Variants in KHDRBS2 observed in about 807,000 individuals in gnomAD.
The protein encoded by KHDRBS2 is KH domain-containing, RNA-binding, signal transduction-associated protein 2.
Under a neutral mutation model 44.3 loss-of-function variants are expected in KHDRBS2, and 26 were observed. That is an observed-to-expected ratio of 0.59 (90% CI 0.43 to 0.81). The LOEUF (loss-of-function observed/expected upper bound fraction) is 0.81, where lower values mean the gene tolerates loss of function less well. KHDRBS2 is among the 40% of genes least tolerant of loss of function. The pLI, the probability that KHDRBS2 is intolerant of heterozygous loss-of-function variation, is 0.00. For synonymous variants in KHDRBS2, 194 were observed against 151.1 expected, an observed-to-expected ratio of 1.28 and a Z score of -2.08; for missense variants, 476 against 433.1, an observed-to-expected ratio of 1.10 and a Z score of -0.88.
chr6:61,862,945 A>G (rs1219079138), intron 6 of KHDRBS2, among the ~76,000 whole-genome samples: 2 of 151,676 alleles, frequency 1.3e-5, no homozygotes, highest in African/African-American at 4.8e-5. Flanking sequence ...TAAGCTATTT[A>G]TCACTGCCTC....
the KHDRBS2 span, among the ~76,000 whole-genome samples, chr6:61,557,967 T>C: frequency 6.6e-6 from 1 of 152,190 alleles, no homozygotes; most frequent in Non-Finnish European, 1.5e-5. Flanking sequence ...TTTGACGCTG[T>C]ATCAGTTGTA....
chr6:61,680,376 A>G lies in KHDRBS2; in HGVS notation c.*587T>C, dbSNP rs1159386350. ...TTTTTTAACAAATACAGGTTAAAAC[A>G]CTGAACAAATTCAGTTAGCTACATA... On this transcript the variant is annotated 3_prime_UTR_variant, in exon 9 of 9. Coordinates refer to ENST00000281156, the MANE Select transcript of KHDRBS2 (RefSeq NM_152688.4). 6.6e-6 allele frequency: 1 copy of G among 152,258 alleles called. No homozygotes were observed. The highest frequency in any genetic ancestry group is 1.9e-4 in the East Asian group (1 of 5,154). 9.4% of individuals were successfully genotyped at this position (152,258 alleles called of 1,614,324 possible).
chr6:61,772,430 A>G (rs1055797695), intron 6 of KHDRBS2, among the ~76,000 whole-genome samples: 1 of 152,196 alleles, frequency 6.6e-6, no homozygotes, highest in Non-Finnish European at 1.5e-5. Flanking sequence ...TAGCAAGACC[A>G]ATAAAGAAGA....
chr6:62,126,294 T>A (rs2150086428), intron 2 of KHDRBS2, among the ~76,000 whole-genome samples: 2 of 152,258 alleles, frequency 1.3e-5, no homozygotes, highest in Middle Eastern at 6.8e-3. Flanking sequence ...GGGCAGAACT[T>A]TATCTTGTGT....
chr6:62,179,008 T>C (rs1183831513), intron 1 of KHDRBS2, among the ~76,000 whole-genome samples: 1 of 151,622 alleles, frequency 6.6e-6, no homozygotes, highest in Non-Finnish European at 1.5e-5. Flanking sequence ...ATATATTTTA[T>C]CTAATAGTTT....
At chr6:61,779,078 T>C (rs1278500844) in intron 6 of KHDRBS2, among the ~76,000 whole-genome samples, 3 of 152,220 alleles carry the variant, frequency 2.0e-5, no homozygotes, top group African/African-American at 7.2e-5. Flanking sequence ...TGATTTGGGA[T>C]ATTGGTAGAC....
At chr6:61,932,952 A>T (rs1430754876) in intron 4 of KHDRBS2, among the ~76,000 whole-genome samples, 1 of 152,070 alleles carries the variant, frequency 6.6e-6, no homozygotes, top group Non-Finnish European at 1.5e-5. Flanking sequence ...GTGTATATAG[A>T]TCACATTTTT....
chr6:61,601,275 A>G, the KHDRBS2 span, among the ~76,000 whole-genome samples: 2 of 150,670 alleles, frequency 1.3e-5, no homozygotes, highest in Admixed American at 1.3e-4. Flanking sequence ...CCTTCTCTCC[A>G]TGTCTCTACC....
chr6:62,133,362 T>C lies in KHDRBS2; in HGVS notation c.219+43823A>G, dbSNP rs1211189908. 2.0e-5 allele frequency among the ~76,000 whole-genome samples: 3 copies of C among 152,300 alleles called. No homozygotes were observed. The East Asian group carries it at 5.8e-4, about 29-fold the overall frequency. On this transcript the variant is annotated intron_variant, in intron 2 of 8. Transcript: ENST00000281156. ...GATAGTTTTATAAGGGGAATCCCCT[T>C]TTGCTTGGCTCTCATTCTCTCTTTG...
chr6:62,159,844 A>G (rs553998416), intron 2 of KHDRBS2, among the ~76,000 whole-genome samples: 1 of 152,274 alleles, frequency 6.6e-6, no homozygotes, highest in East Asian at 1.9e-4. Flanking sequence ...GAAGTGAATC[A>G]TCATAAAAGT....
At chr6:62,225,334 G>C (rs535207421) in intron 1 of KHDRBS2, among the ~76,000 whole-genome samples, 1 of 152,112 alleles carries the variant, frequency 6.6e-6, no homozygotes, top group Non-Finnish European at 1.5e-5. Context: ...ATTAAAGATA[G>C]TCAAAACCTT....
intron 2 of KHDRBS2, among the ~76,000 whole-genome samples, chr6:62,111,899 C>T (rs1430049555): frequency 6.6e-6 from 1 of 151,912 alleles, no homozygotes; most frequent in Non-Finnish European, 1.5e-5. Context: ...GACAAGAAAA[C>T]AAAAGTCAGA....
chr6:61,861,711 C>A (rs911592478), intron 6 of KHDRBS2, among the ~76,000 whole-genome samples: 1 of 151,464 alleles, frequency 6.6e-6, no homozygotes. Context: ...TTTGGAGTTC[C>A]ATATGAATTT....
intron 3 of KHDRBS2, among the ~76,000 whole-genome samples, chr6:61,983,242 T>TCTTTCTTTC (rs1357374587): frequency 5.8e-5 from 8 of 137,442 alleles, no homozygotes; most frequent in South Asian, 2.5e-4. Context: ...CTTTCTTTTT[T>TCTTTCTTTC]TTTTTTTTTT....
chr6:61,654,030 G>A, the KHDRBS2 span, among the ~76,000 whole-genome samples: 1 of 151,820 alleles, frequency 6.6e-6, no homozygotes, highest in Non-Finnish European at 1.5e-5. Flanking sequence ...TTGCTTTGTG[G>A]CCCAAATTTC....
At chr6:61,807,612 A>G (rs1787374878) in intron 6 of KHDRBS2, among the ~76,000 whole-genome samples, 1 of 152,096 alleles carries the variant, frequency 6.6e-6, no homozygotes, top group South Asian at 2.1e-4. Context: ...TGGGAGACAA[A>G]CAACAAAATC....
intron 2 of KHDRBS2, among the ~76,000 whole-genome samples, chr6:62,152,843 C>A (rs987144130): frequency 6.6e-6 from 1 of 152,082 alleles, no homozygotes; most frequent in Non-Finnish European, 1.5e-5. Flanking sequence ...TGACAAGCAA[C>A]CTCAGGGACT....
intron 6 of KHDRBS2, among the ~76,000 whole-genome samples, chr6:61,856,250 G>A (rs751452032): frequency 5.3e-5 from 8 of 151,940 alleles, no homozygotes; most frequent in Non-Finnish European, 1.2e-4. Context: ...TCCTTGTCTT[G>A]TGGCTTCACA....
chr6:62,021,557 G>C lies in KHDRBS2; in HGVS notation c.336+26321C>G, dbSNP rs911736349. Among the ~76,000 whole-genome samples the C allele has an allele frequency of 1.6e-4, 25 of 151,834 alleles. 1 individual carries two copies. Among genetic ancestry groups the C allele is most frequent in the Middle Eastern group, 3.4e-3 (1 of 294 alleles). On this transcript the variant is annotated intron_variant, in intron 3 of 8. Transcript: ENST00000281156. The stretch of plus-strand genomic sequence containing the variant: ...ATATATAAGTTCTTTTGGCCATACT[G>C]TCAGAGTCTATGTCCTGGTGACATA...
Sources: gnomAD v4.1 joint callset for allele counts (sites outside exome capture counted in the v4.1 genomes callset) on GRCh38, gnomAD v4.1.1 for gene constraint, MANE v1.5 for transcripts, NCBI Gene and HGNC (gene_info 2026-07-23, HGNC 2026-07-21) for gene names.